Variants in PCDH15 observed in about 807,000 individuals in gnomAD.
PCDH15 encodes protocadherin-15.
A neutral mutation model predicts 178.5 loss-of-function variants in PCDH15; 129 were observed. That is an observed-to-expected ratio of 0.72 (90% CI 0.63 to 0.84). The LOEUF is 0.84. PCDH15 is among the 40% of genes least tolerant of loss of function. The pLI is 0.00. For synonymous variants in PCDH15, 800 were observed against 732.0 expected (o/e 1.09, Z -1.50); for missense variants, 2,230 against 2,099.9 (o/e 1.06, Z -1.21).
chr10:55,238,498 G>A (rs1307982970), intron 1 of PCDH15, among the ~76,000 whole-genome samples: 2 of 151,932 alleles, frequency 1.3e-5, no homozygotes, highest in Non-Finnish European at 1.5e-5. Context: ...AAAATTAAGT[G>A]CTAATTAGTT....
intron 17 of PCDH15, among the ~76,000 whole-genome samples, chr10:54,075,065 G>C (rs574466820): frequency 6.6e-6 from 1 of 152,020 alleles, no homozygotes; most frequent in Non-Finnish European, 1.5e-5. Flanking sequence ...GAATCAGTTT[G>C]TTTATTTTTG....
At chr10:55,311,232 T>C (rs1194378774) in intron 1 of PCDH15, among the ~76,000 whole-genome samples, 5 of 152,194 alleles carry the variant, frequency 3.3e-5, no homozygotes, top group Non-Finnish European at 5.9e-5. Context: ...AAGTCTACTT[T>C]GCTTTTAAAA....
intron 2 of PCDH15, among the ~76,000 whole-genome samples, chr10:54,544,414 T>C (rs2482814): frequency 0.85 from 129,185 of 152,096 alleles, 55,134 homozygotes; most frequent in African/African-American, 0.9. Context: ...AAGTTTTTGA[T>C]AGTTTGTTAT....
At chr10:55,283,483 T>C (rs568981565) in intron 1 of PCDH15, among the ~76,000 whole-genome samples, 1 of 152,054 alleles carries the variant, frequency 6.6e-6, no homozygotes, top group South Asian at 2.1e-4. Flanking sequence ...TTCCCCTGTC[T>C]TGATAAATTG....
chr10:54,840,791 A>G (rs1014650126), intron 3 of PCDH15, among the ~76,000 whole-genome samples: 3 of 151,926 alleles, frequency 2.0e-5, no homozygotes, highest in African/African-American at 7.2e-5. Context: ...TACTTCGTTC[A>G]GACAAAATAG....
intron 2 of PCDH15, among the ~76,000 whole-genome samples, chr10:55,569,348 T>A (rs140063605): frequency 6.6e-6 from 1 of 152,020 alleles, no homozygotes; most frequent in South Asian, 2.1e-4. Context: ...AACCTTTAGC[T>A]TTCCAGGTCA....
chr10:55,428,353 A>G (rs965143256), intron 2 of PCDH15, among the ~76,000 whole-genome samples: 4 of 151,800 alleles, frequency 2.6e-5, no homozygotes, highest in Non-Finnish European at 5.9e-5. Flanking sequence ...TATGGATAAA[A>G]AATTCAGGAC....
intron 32 of PCDH15, among the ~76,000 whole-genome samples, chr10:53,824,742 G>C (rs558744362): frequency 6.6e-6 from 1 of 151,668 alleles, no homozygotes; most frequent in Non-Finnish European, 1.5e-5. Context: ...ATTTGTTCGT[G>C]GTTTGATTTC....
At chr10:54,423,510 A>G (rs1391139034) in intron 3 of PCDH15, among the ~76,000 whole-genome samples, 1 of 151,808 alleles carries the variant, frequency 6.6e-6, no homozygotes. Flanking sequence ...GAATCACAGT[A>G]AGGAGATGGA....
intron 8 of PCDH15, among the ~76,000 whole-genome samples, chr10:54,241,696 C>A (rs1032027120): frequency 6.6e-6 from 1 of 152,050 alleles, no homozygotes; most frequent in African/African-American, 2.4e-5. Context: ...AGCAGATTTG[C>A]ATTTCATTGC....
chr10:54,302,111 A>C (rs949959804), intron 8 of PCDH15, among the ~76,000 whole-genome samples: 1 of 152,190 alleles, frequency 6.6e-6, no homozygotes, highest in East Asian at 1.9e-4. Context: ...ATTTAACTGC[A>C]TAGATAATAA....
chr10:54,961,626 G>T (rs1451188975), intron 2 of PCDH15, among the ~76,000 whole-genome samples: 1 of 152,182 alleles, frequency 6.6e-6, no homozygotes, highest in African/African-American at 2.4e-5. Context: ...TCTTCAGGGT[G>T]ACCTGCCTGC....
At chr10:54,357,745 G>C (rs543902399) in intron 5 of PCDH15, among the ~76,000 whole-genome samples, 2 of 152,184 alleles carry the variant, frequency 1.3e-5, no homozygotes, top group African/African-American at 4.8e-5. Flanking sequence ...GAGGCATCAC[G>C]CTACCTGACT....
At chr10:54,556,039 A>T (rs921355166) in intron 2 of PCDH15, among the ~76,000 whole-genome samples, 14 of 152,178 alleles carry the variant, frequency 9.2e-5, no homozygotes, top group African/African-American at 3.1e-4. Context: ...AGTCCTTGGA[A>T]CACTCCTATT....
chr10:54,148,491 G>C (rs1819152716), intron 14 of PCDH15, among the ~76,000 whole-genome samples: 1 of 151,896 alleles, frequency 6.6e-6, no homozygotes, highest in Non-Finnish European at 1.5e-5. Context: ...GACAAAAAAA[G>C]TCTGCGCATG....
At position 54,748,097 on chromosome 10, in the gene PCDH15, C is replaced by T. The variant is rs190212779; in HGVS notation, c.-29+52828G>A. Among the ~76,000 whole-genome samples, 603 of 152,140 alleles carry T rather than the reference C, an allele frequency of 4.0e-3. 1 individual carries two copies. Among genetic ancestry groups the T allele is most frequent in the African/African-American group, 0.013 (538 of 41,508 alleles). On this transcript the variant is annotated intron_variant, in intron 1 of 37. Coordinates refer to ENST00000644397, the MANE Select transcript of PCDH15 (RefSeq NM_001384140.1). The stretch of plus-strand genomic sequence containing the variant: ...TGGAATTACAAGGCGTGAGCCACCG[C>T]GCCCGACCACTCAATGGTTACATTC...
chr10:54,630,180 G>A (rs888880342), intron 2 of PCDH15, among the ~76,000 whole-genome samples: 1 of 152,130 alleles, frequency 6.6e-6, no homozygotes, highest in African/African-American at 2.4e-5. Context: ...AAATTCATAT[G>A]GAACTAGAAA....
At chr10:54,774,169 C>T (rs192040768) in intron 1 of PCDH15, among the ~76,000 whole-genome samples, 187 of 151,966 alleles carry the variant, frequency 1.2e-3, no homozygotes, top group African/African-American at 4.1e-3. Context: ...GCTAGGACCA[C>T]AGGCGCCTGC....
chr10:55,167,678 T>A (rs1839231737), intron 1 of PCDH15, among the ~76,000 whole-genome samples: 1 of 152,122 alleles, frequency 6.6e-6, no homozygotes. Flanking sequence ...AAGAAATAGG[T>A]ACAGAAATAG....
Sources: gnomAD v4.1 joint callset for allele counts (sites outside exome capture counted in the v4.1 genomes callset) on GRCh38, gnomAD v4.1.1 for gene constraint, MANE v1.5 for transcripts, NCBI Gene and HGNC (gene_info 2026-07-23, HGNC 2026-07-21) for gene names.